The following ST6GALNAC3 variants were observed in gnomAD, a reference collection of about 807,000 sequenced individuals.
The protein encoded by ST6GALNAC3 is alpha-N-acetylgalactosaminide alpha-2,6-sialyltransferase 3.
In ST6GALNAC3, 25 loss-of-function variants were observed where a neutral mutation model predicts 32.7. The ratio of observed to expected loss-of-function variants is 0.76; its 90% CI spans 0.56 to 1.07. The LOEUF (loss-of-function observed/expected upper bound fraction) is 1.07, where lower values mean the gene tolerates loss of function less well. Ranked by LOEUF, ST6GALNAC3 falls within the 50% of genes least tolerant of loss-of-function variation. ST6GALNAC3 has a pLI of 0.00. For synonymous variants in ST6GALNAC3, 129 were observed against 133.1 expected (o/e 0.97, Z 0.21); for missense variants, 355 against 382.4 (o/e 0.93, Z 0.60).
chr1:76,552,991 A>T (rs537766568), intron 3 of ST6GALNAC3, among the ~76,000 whole-genome samples: 43 of 152,302 alleles, frequency 2.8e-4, no homozygotes, highest in African/African-American at 1.0e-3. Flanking sequence ...TGAGTTTATC[A>T]TGGATTATCT....
intron 1 of ST6GALNAC3, among the ~76,000 whole-genome samples, chr1:76,133,112 T>A (rs1226292540): frequency 6.6e-6 from 1 of 152,176 alleles, no homozygotes; most frequent in African/African-American, 2.4e-5. Flanking sequence ...AAACTACATC[T>A]TTCTGCTGGA....
At chr1:76,093,113 G>T (rs1048087405) in intron 1 of ST6GALNAC3, among the ~76,000 whole-genome samples, 12 of 152,286 alleles carry the variant, frequency 7.9e-5, no homozygotes, top group Middle Eastern at 3.4e-3. Context: ...GATATGGGAA[G>T]AATTGCATAT....
intron 1 of ST6GALNAC3, among the ~76,000 whole-genome samples, chr1:76,236,227 CCTGAGCTA>C (rs576686622): frequency 5.3e-4 from 80 of 152,222 alleles, no homozygotes; most frequent in South Asian, 1.7e-3. Flanking sequence ...GGATTACAAG[CCTGAGCTA>C]CCGCACCCGA....
chr1:76,262,970 C>T (rs750220134), intron 1 of ST6GALNAC3, among the ~76,000 whole-genome samples: 74 of 152,086 alleles, frequency 4.9e-4, no homozygotes, highest in Non-Finnish European at 9.0e-4. Context: ...ACCTAAAGGC[C>T]GTATCTATGA....
At chr1:76,614,042 A>G (rs1570450677) in intron 3 of ST6GALNAC3, among the ~76,000 whole-genome samples, 1 of 152,204 alleles carries the variant, frequency 6.6e-6, no homozygotes, top group African/African-American at 2.4e-5. Flanking sequence ...ATGTTTTGGG[A>G]AAAAATATGT....
chr1:76,440,336 G>A (rs1269469872), intron 3 of ST6GALNAC3, among the ~76,000 whole-genome samples: 1 of 152,218 alleles, frequency 6.6e-6, no homozygotes, highest in Non-Finnish European at 1.5e-5. Flanking sequence ...TTTTCGAAAA[G>A]TAAGCCTTGT....
chr1:76,301,482 A>G (rs1428299984), intron 1 of ST6GALNAC3, among the ~76,000 whole-genome samples: 1 of 152,072 alleles, frequency 6.6e-6, no homozygotes, highest in Non-Finnish European at 1.5e-5. Context: ...GGGAAACTAT[A>G]CGTAATAAAT....
chr1:76,312,227 T>C (rs1646779568), intron 1 of ST6GALNAC3, among the ~76,000 whole-genome samples: 1 of 152,206 alleles, frequency 6.6e-6, no homozygotes, highest in African/African-American at 2.4e-5. Flanking sequence ...GCTACCCATA[T>C]GCAGAAAACT....
At chr1:76,217,999 T>G (rs1212910449) in intron 1 of ST6GALNAC3, among the ~76,000 whole-genome samples, 1 of 152,146 alleles carries the variant, frequency 6.6e-6, no homozygotes, top group Non-Finnish European at 1.5e-5. Context: ...TTTTTTTTTG[T>G]ATAATAACTT....
chr1:76,220,189 A>G (rs952207896), intron 1 of ST6GALNAC3, among the ~76,000 whole-genome samples: 1 of 152,232 alleles, frequency 6.6e-6, no homozygotes, highest in Non-Finnish European at 1.5e-5. Flanking sequence ...TGAAGACAGA[A>G]TAAACTTTCT....
chr1:76,184,543 A>ACACACACACG (rs890757742), intron 1 of ST6GALNAC3, among the ~76,000 whole-genome samples: 1 of 151,074 alleles, frequency 6.6e-6, no homozygotes, highest in Non-Finnish European at 1.5e-5. Flanking sequence ...ACACACACAC[A>ACACACACACG]CACACACACA....
chr1:76,299,326 A>T (rs1292712575), intron 1 of ST6GALNAC3, among the ~76,000 whole-genome samples: 1 of 151,910 alleles, frequency 6.6e-6, no homozygotes. Flanking sequence ...ATTCTTGTAT[A>T]TTTTCTAGTT....
chr1:76,325,010 G>A (rs1570828618), intron 2 of ST6GALNAC3, among the ~76,000 whole-genome samples: 1 of 152,042 alleles, frequency 6.6e-6, no homozygotes. Flanking sequence ...GTATACATGT[G>A]CCAAACACTG....
At position 76,112,090 on chromosome 1, in the gene ST6GALNAC3, G is replaced by A. The variant is rs570158769; in HGVS notation, c.18+37206G>A. ...GGGCTGACCCCCCCACCTCCCTCCC[G>A]GACGGGGCGGCTGGCCGGGCGGGGG... is the stretch of plus-strand genomic sequence containing the variant. On this transcript the variant is annotated intron_variant, in intron 1 of 4. Transcript: ENST00000328299. Among the ~76,000 whole-genome samples the A allele has an allele frequency of 9.2e-3, 1,353 of 146,530 alleles. 28 individuals are homozygous for A. Among genetic ancestry groups the A allele is most frequent in the African/African-American group, 0.033 (1,292 of 39,466 alleles).
chr1:76,619,967 T>A (rs1648533155), intron 3 of ST6GALNAC3, among the ~76,000 whole-genome samples: 1 of 152,110 alleles, frequency 6.6e-6, no homozygotes, highest in Non-Finnish European at 1.5e-5. Context: ...GCTATATTTG[T>A]TGCTCTTTCC....
intron 2 of ST6GALNAC3, among the ~76,000 whole-genome samples, chr1:76,394,190 T>C (rs1652772470): frequency 6.6e-6 from 1 of 152,194 alleles, no homozygotes; most frequent in Non-Finnish European, 1.5e-5. Flanking sequence ...CAGAAGCATA[T>C]AGCTAGAAAG....
intron 2 of ST6GALNAC3, among the ~76,000 whole-genome samples, chr1:76,340,112 C>T (rs576177356): frequency 1.3e-5 from 2 of 152,160 alleles, no homozygotes; most frequent in Non-Finnish European, 2.9e-5. Context: ...ATACATGAAA[C>T]CCCCTGGTGA....
chr1:76,536,591 A>G (rs114754885), intron 3 of ST6GALNAC3, among the ~76,000 whole-genome samples: 2,562 of 151,034 alleles, frequency 0.017, 88 homozygotes, highest in African/African-American at 0.059. Flanking sequence ...TTCGTATTAC[A>G]ATTCAAGATG....
intron 1 of ST6GALNAC3, among the ~76,000 whole-genome samples, chr1:76,226,238 G>C: frequency 6.6e-6 from 1 of 152,286 alleles, no homozygotes; most frequent in Non-Finnish European, 1.5e-5. Flanking sequence ...TTCTGAAAAA[G>C]AGAATTTCCT....
Sources: gnomAD v4.1 joint callset for allele counts (sites outside exome capture counted in the v4.1 genomes callset) on GRCh38, gnomAD v4.1.1 for gene constraint, MANE v1.5 for transcripts, NCBI Gene and HGNC (gene_info 2026-07-23, HGNC 2026-07-21) for gene names.